Variants in FUT9 observed in about 807,000 individuals in gnomAD.
The protein encoded by FUT9 is 4-galactosyl-N-acetylglucosaminide 3-alpha-L-fucosyltransferase 9.
FUT9 carries 15 observed loss-of-function variants against 29.7 expected under a neutral mutation model. The observed-to-expected ratio is 0.51, with a 90% CI of 0.34 to 0.78. The LOEUF is 0.78. FUT9 is among the 30% of genes least tolerant of loss of function. The probability of loss-of-function intolerance (pLI) is 0.01; values close to 1 mark genes in which losing one functional copy is unlikely to be tolerated. For synonymous variants in FUT9, 169 were observed against 153.7 expected (o/e 1.10, Z -0.74); for missense variants, 319 against 425.4 (o/e 0.75, Z 2.20).
At chr6:96,092,820 G>A (rs1304605297) in intron 1 of FUT9, among the ~76,000 whole-genome samples, 1 of 151,974 alleles carries the variant, frequency 6.6e-6, no homozygotes, top group African/African-American at 2.4e-5. Flanking sequence ...CTCCCAGACT[G>A]GAATGCAGTG....
At chr6:96,115,969 AT>A (rs1407124658) in intron 2 of FUT9, among the ~76,000 whole-genome samples, 4 of 152,196 alleles carry the variant, frequency 2.6e-5, no homozygotes, top group African/African-American at 7.2e-5. Flanking sequence ...TAGAAAAAAA[AT>A]CTAACATTTA....
chr6:96,163,210 G>A (rs1289514243), intron 2 of FUT9, among the ~76,000 whole-genome samples: 1 of 150,922 alleles, frequency 6.6e-6, no homozygotes, highest in Non-Finnish European at 1.5e-5. Flanking sequence ...CTGGCTCAAA[G>A]AAAAGTGATT....
intron 1 of FUT9, among the ~76,000 whole-genome samples, chr6:96,038,019 C>T (rs796707950): frequency 1.1e-4 from 16 of 152,272 alleles, no homozygotes; most frequent in African/African-American, 3.8e-4. Context: ...TGCATCTTCA[C>T]TGCAGGTGTG....
chr6:96,060,284 C>A (rs1582201846), intron 1 of FUT9, among the ~76,000 whole-genome samples: 2 of 152,098 alleles, frequency 1.3e-5, no homozygotes, highest in South Asian at 4.1e-4. Flanking sequence ...AATATGAACA[C>A]CTACTTAAAT....
At chr6:96,187,023 C>A (rs555242674) in intron 2 of FUT9, among the ~76,000 whole-genome samples, 1 of 152,188 alleles carries the variant, frequency 6.6e-6, no homozygotes, top group South Asian at 2.1e-4. Flanking sequence ...ATAAAATTAA[C>A]CATCACAAAC....
chr6:96,040,874 C>A (rs1770448021), intron 1 of FUT9, among the ~76,000 whole-genome samples: 1 of 151,686 alleles, frequency 6.6e-6, no homozygotes, highest in Admixed American at 6.6e-5. Flanking sequence ...TTGTACTTGG[C>A]CTTTTTATCA....
chr6:96,047,742 T>C (rs1353483254), intron 1 of FUT9, among the ~76,000 whole-genome samples: 3 of 152,080 alleles, frequency 2.0e-5, no homozygotes. Flanking sequence ...AGGTAATATG[T>C]GAGAAAATAT....
chr6:96,087,950 G>C (rs962297302), intron 1 of FUT9, among the ~76,000 whole-genome samples: 1 of 152,068 alleles, frequency 6.6e-6, no homozygotes, highest in Non-Finnish European at 1.5e-5. Flanking sequence ...ATGTGTCTGA[G>C]AAAGTCTTTA....
At position 96,203,853 on chromosome 6, in the gene FUT9, C is replaced by T; in HGVS notation, c.698C>T (p.Pro233Leu). ...TATGTCAATGATAAAAATTTGATTC[C>T]TACCATATCTACTTGTAAATTTTAT... is the stretch of plus-strand genomic sequence containing the variant. ...GEYVNDKNLI[P>L]TISTCKFYLS... The change falls in exon 3 of 3, where the codon CCT becomes CTT. Residue 233 changes from proline (P) to leucine (L), a missense_variant. By Grantham distance (98) the Pro-to-Leu change is moderately conservative (BLOSUM62 -3). Transcript: ENST00000302103. The T allele has an allele frequency of 6.2e-7, 1 of 1,610,562 alleles. No individual in the cohort carries two copies. Among genetic ancestry groups the T allele is most frequent in the Non-Finnish European group, 8.5e-7 (1 of 1,177,122 alleles).
At chr6:96,082,126 T>G (rs1771247164) in intron 1 of FUT9, among the ~76,000 whole-genome samples, 1 of 151,790 alleles carries the variant, frequency 6.6e-6, no homozygotes, top group South Asian at 2.1e-4. Flanking sequence ...TTTTACTCTT[T>G]TTATGGCATA....
At chr6:96,108,902 T>G (rs1442342850) in intron 1 of FUT9, among the ~76,000 whole-genome samples, 1 of 152,064 alleles carries the variant, frequency 6.6e-6, no homozygotes, top group African/African-American at 2.4e-5. Context: ...TTCTAGATTG[T>G]GAAGATTTCA....
At position 96,183,419 on chromosome 6, in the gene FUT9, C is replaced by T. The variant is rs149937707; in HGVS notation, c.-8-19729C>T. Among the ~76,000 whole-genome samples, 464 of 152,084 alleles carry T rather than the reference C, an allele frequency of 3.1e-3. 1 individual carries two copies. Among genetic ancestry groups the T allele is most frequent in the Non-Finnish European group, 4.2e-3 (283 of 67,938 alleles). ...AGTGACAGTTGGACTTCCTCTTTAT[C>T]TATTTGGACGCCCTTTATTTCTTTC... On this transcript the variant is annotated intron_variant, in intron 2 of 2. Coordinates refer to ENST00000302103, the MANE Select transcript of FUT9 (RefSeq NM_006581.4).
intron 1 of FUT9, among the ~76,000 whole-genome samples, chr6:96,111,993 A>C (rs1562128961): frequency 6.6e-6 from 1 of 152,228 alleles, no homozygotes; most frequent in South Asian, 2.1e-4. Flanking sequence ...CAGTTTCAAC[A>C]AAGAAATTCA....
intron 2 of FUT9, among the ~76,000 whole-genome samples, chr6:96,182,026 T>C (rs1196363393): frequency 6.6e-6 from 1 of 152,164 alleles, no homozygotes. Flanking sequence ...GTGGTTGTAC[T>C]AGTTTACATT....
chr6:96,070,414 T>C (rs780721751), intron 1 of FUT9, among the ~76,000 whole-genome samples: 2 of 152,136 alleles, frequency 1.3e-5, no homozygotes, highest in Admixed American at 6.6e-5. Flanking sequence ...AGCCTTAAAA[T>C]TGTAATTATG....
chr6:96,086,142 T>C (rs1771312477), intron 1 of FUT9, among the ~76,000 whole-genome samples: 2 of 152,178 alleles, frequency 1.3e-5, no homozygotes, highest in Admixed American at 1.3e-4. Flanking sequence ...GCTGCACATA[T>C]TCACGTTAAC....
At chr6:96,051,593 C>T (rs1310221387) in intron 1 of FUT9, among the ~76,000 whole-genome samples, 1 of 151,950 alleles carries the variant, frequency 6.6e-6, no homozygotes, top group African/African-American at 2.4e-5. Flanking sequence ...GTCAAGATTG[C>T]AGTAAGCTGA....
intron 1 of FUT9, among the ~76,000 whole-genome samples, chr6:96,088,420 T>C (rs1223096405): frequency 6.6e-6 from 1 of 152,082 alleles, no homozygotes; most frequent in African/African-American, 2.4e-5. Flanking sequence ...TTTAAACTTT[T>C]GTTTATTTAA....
intron 1 of FUT9, among the ~76,000 whole-genome samples, chr6:96,071,176 T>G (rs1328211853): frequency 6.6e-6 from 1 of 152,150 alleles, no homozygotes; most frequent in African/African-American, 2.4e-5. Context: ...TTTTTAGAAT[T>G]AGGATGGAAT....
Sources: gnomAD v4.1 joint callset for allele counts (sites outside exome capture counted in the v4.1 genomes callset) on GRCh38, gnomAD v4.1.1 for gene constraint, MANE v1.5 for transcripts, NCBI Gene and HGNC (gene_info 2026-07-23, HGNC 2026-07-21) for gene names.